CEP128: variants seen among roughly 807,000 people sequenced by gnomAD.
The protein encoded by CEP128 is centrosomal protein 128.
CEP128 carries 132 observed loss-of-function variants against 156.7 expected under a neutral mutation model. The ratio of observed to expected loss-of-function variants is 0.84; its 90% CI spans 0.73 to 0.97. The LOEUF (loss-of-function observed/expected upper bound fraction) is 0.97, where lower values mean the gene tolerates loss of function less well. CEP128 is among the 50% of genes least tolerant of loss of function. The pLI, the probability that CEP128 is intolerant of heterozygous loss-of-function variation, is 0.00. For missense variants in CEP128, 1,252 were observed against 1,281.9 expected, an observed-to-expected ratio of 0.98 and a Z score of 0.36; for synonymous variants, 469 against 448.9, an observed-to-expected ratio of 1.04 and a Z score of -0.57.
At chr14:80,887,430 C>T (rs1254442134) in intron 8 of CEP128, among the ~76,000 whole-genome samples, 1 of 152,196 alleles carries the variant, frequency 6.6e-6, no homozygotes, top group African/African-American at 2.4e-5. Flanking sequence ...CAAACAGTCT[C>T]TCAGACCACA....
rs1408831483 is a variant in CEP128, at chr14:80,512,285, A to T, written c.3073-7265T>A. 2.0e-5 allele frequency among the ~76,000 whole-genome samples: 3 copies of T among 151,920 alleles called. No individual in the cohort carries two copies. In the East Asian group the frequency reaches 5.8e-4, roughly 29 times the overall value. ...GGGTGCATATATTTTTACAATTGTT[A>T]TATCCTCTTCCTGAATGCACCCCTT... On this transcript the variant is annotated intron_variant, in intron 23 of 24. Coordinates refer to ENST00000555265, the MANE Select transcript of CEP128 (RefSeq NM_152446.5).
intron 19 of CEP128, 94 bp from the exon 20 acceptor site, chr14:80,580,517 C>G: frequency 1.4e-6 from 1 of 729,576 alleles, no homozygotes. Flanking sequence ...CTTGTATAAA[C>G]TGTTGCCTGA....
At chr14:80,775,842 A>AT (rs1279257460) in intron 16 of CEP128, among the ~76,000 whole-genome samples, 12 of 151,942 alleles carry the variant, frequency 7.9e-5, no homozygotes, top group African/African-American at 1.9e-4. Flanking sequence ...TTATTTTTTT[A>AT]TTTTTTTTGA....
intron 4 of CEP128, among the ~76,000 whole-genome samples, chr14:80,912,814 C>T (rs879683071): frequency 9.2e-5 from 14 of 152,116 alleles, no homozygotes; most frequent in African/African-American, 1.4e-4. Flanking sequence ...TTGGGAGTTA[C>T]GTGACAATTC....
intron 19 of CEP128, among the ~76,000 whole-genome samples, chr14:80,689,290 C>CAAAAAAAAAAAA (rs57054840): frequency 1.0e-5 from 1 of 96,660 alleles, no homozygotes. Context: ...GACTCCGTCT[C>CAAAAAAAAAAAA]AAAAAAAAAA....
intron 19 of CEP128, among the ~76,000 whole-genome samples, chr14:80,691,199 T>C (rs1225580088): frequency 6.6e-6 from 1 of 152,208 alleles, no homozygotes; most frequent in Non-Finnish European, 1.5e-5. Context: ...GCCTTTCCAA[T>C]ACATTACAAA....
chr14:80,794,859 A>G (rs959747144), intron 13 of CEP128, among the ~76,000 whole-genome samples: 1 of 152,184 alleles, frequency 6.6e-6, no homozygotes, highest in Non-Finnish European at 1.5e-5. Context: ...GAGGTGATGC[A>G]TAAGCTGAGA....
At chr14:80,774,635 G>A (rs1204320864) in intron 16 of CEP128, among the ~76,000 whole-genome samples, 6 of 151,734 alleles carry the variant, frequency 4.0e-5, no homozygotes, top group Non-Finnish European at 8.8e-5. Context: ...GCGTGTGTGT[G>A]TATGTGTGTG....
Position 80,678,710 on chromosome 14 carries a change from A to T in CEP128, c.2806+64365T>A, listed in dbSNP as rs1390454233. 2.0e-5 allele frequency among the ~76,000 whole-genome samples: 3 copies of T among 152,164 alleles called. No homozygotes were observed. In the East Asian group the frequency reaches 5.8e-4, roughly 29 times the overall value. ...CAATGGAGAGCACTTTGTTTCTCCC[A>T]AGCCCTGGAGTTAACATGGTGAGAG... is the stretch of plus-strand genomic sequence containing the variant. On this transcript the variant is annotated intron_variant, in intron 19 of 24. Transcript: ENST00000555265.
At chr14:80,659,564 T>C (rs1490044386) in intron 19 of CEP128, among the ~76,000 whole-genome samples, 5 of 152,244 alleles carry the variant, frequency 3.3e-5, no homozygotes, top group Non-Finnish European at 7.3e-5. Flanking sequence ...CTCCGTGGTC[T>C]ACTCAGTTGA....
At chr14:80,547,043 C>T (rs1339170199) in intron 21 of CEP128, among the ~76,000 whole-genome samples, 1 of 152,126 alleles carries the variant, frequency 6.6e-6, no homozygotes, top group Non-Finnish European at 1.5e-5. Context: ...TTTATAAAAT[C>T]TTGTGTAAGT....
chr14:80,816,541 AC>A (rs1478151900), intron 13 of CEP128, among the ~76,000 whole-genome samples: 1 of 152,200 alleles, frequency 6.6e-6, no homozygotes, highest in African/African-American at 2.4e-5. Context: ...CCAGCACCCT[AC>A]TTCCTAAGTA....
rs565997049 is a variant in CEP128, at chr14:80,619,698, G to A, written c.2807-39275C>T. On this transcript the variant is annotated intron_variant, in intron 19 of 24. Transcript: ENST00000555265. ...GCCTGGGCAACAAGAGCAAAACTCT[G>A]TCTCAAGTTAAAAAAAAAAAAAAAA... 3.6e-5 allele frequency among the ~76,000 whole-genome samples: 5 copies of A among 140,804 alleles called. No individual in the cohort carries two copies. The East Asian group carries it at 1.0e-3, about 29-fold the overall frequency. The allele number at this position is 140,804 out of a possible 152,430, so 92.4% of individuals were successfully genotyped here. A position where few individuals can be genotyped will look rare whatever the true frequency, so the allele number is the denominator to read the frequency against.
intron 9 of CEP128, among the ~76,000 whole-genome samples, chr14:80,846,469 T>C (rs1033139748): frequency 6.6e-6 from 1 of 152,118 alleles, no homozygotes; most frequent in Non-Finnish European, 1.5e-5. Flanking sequence ...AAAAGTCATA[T>C]GGGCACTAGC....
intron 12 of CEP128, among the ~76,000 whole-genome samples, chr14:80,834,852 A>G (rs1006739102): frequency 6.6e-6 from 1 of 152,232 alleles, no homozygotes. Context: ...ATGAAACTTA[A>G]TGGCATACAA....
chr14:80,893,055 C>G (rs2139382081), intron 8 of CEP128, among the ~76,000 whole-genome samples: 1 of 151,894 alleles, frequency 6.6e-6, no homozygotes, highest in Middle Eastern at 3.4e-3. Context: ...CTCACAATAG[C>G]CAAGATATGG....
chr14:80,914,642 C>T (rs755985788), intron 3 of CEP128, among the ~76,000 whole-genome samples: 24 of 152,126 alleles, frequency 1.6e-4, no homozygotes, highest in South Asian at 8.3e-4. Context: ...AATGTAAATC[C>T]GTATTCAAGA....
intron 20 of CEP128, among the ~76,000 whole-genome samples, chr14:80,564,957 G>GCACCTGTAATCTC (rs1890849537): frequency 6.6e-6 from 1 of 152,114 alleles, no homozygotes; most frequent in Non-Finnish European, 1.5e-5. Context: ...TACTAGGGAG[G>GCACCTGTAATCTC]CTGAGGCAGG....
At chr14:80,812,561 G>GGTT (rs200327964) in intron 13 of CEP128, among the ~76,000 whole-genome samples, 14 of 151,800 alleles carry the variant, frequency 9.2e-5, no homozygotes, top group African/African-American at 2.2e-4. Context: ...CCTTGCCTCT[G>GGTT]GTTGTTGTTG....
Sources: allele counts gnomAD v4.1 joint callset (sites outside exome capture counted in the v4.1 genomes callset), GRCh38; gene constraint gnomAD v4.1.1; transcripts MANE v1.5; gene names NCBI Gene and HGNC (gene_info 2026-07-23, HGNC 2026-07-21).